Variants in GIT2 observed in about 807,000 individuals in gnomAD.
GIT2 encodes ARF GTPase-activating protein GIT2.
In GIT2, 32 loss-of-function variants were observed where a neutral mutation model predicts 100.3. That is an observed-to-expected ratio of 0.32 (90% CI 0.24 to 0.43). GIT2 has a LOEUF of 0.43. GIT2 is among the 20% of genes least tolerant of loss of function. The probability of loss-of-function intolerance (pLI) is 1.00; values close to 1 mark genes in which losing one functional copy is unlikely to be tolerated. For missense variants in GIT2, 737 were observed against 975.1 expected, an observed-to-expected ratio of 0.76 and a Z score of 3.25; for synonymous variants, 353 against 364.1, an observed-to-expected ratio of 0.97 and a Z score of 0.35.
intron 7 of GIT2, 59 bp downstream of exon 7, chr12:109,980,893 T>C: frequency 9.8e-7 from 1 of 1,022,476 alleles, no homozygotes; most frequent in Non-Finnish European, 1.6e-6. Context: ...GTGTCCCAAC[T>C]TGTTTTTCTA....
At chr12:109,981,124 G>T in intron 6 of GIT2, 78 bp from the exon 7 acceptor site, 2 of 896,438 alleles carry the variant, frequency 2.2e-6, no homozygotes, top group South Asian at 2.6e-5. Flanking sequence ...GACGTCTCCT[G>T]AGACACCTGA....
At chr12:109,976,716 G>A (rs1460087787) in intron 7 of GIT2, among the ~76,000 whole-genome samples, 2 of 151,752 alleles carry the variant, frequency 1.3e-5, no homozygotes, top group African/African-American at 4.8e-5. Context: ...AGCCTCCTGA[G>A]TAGCTGGGTT....
upstream of GIT2, chr12:109,999,470 G>A: frequency 3.9e-6 from 1 of 253,962 alleles, no homozygotes. The surrounding 1 kb of genome is among the most constrained non-coding windows in gnomAD (Gnocchi z 4.3). Flanking sequence ...CGGGAACGCC[G>A]CGGGGCGCGG....
At position 109,945,326 on chromosome 12, in the gene GIT2, G is replaced by A. The variant is rs1876030558; in HGVS notation, c.1665C>T (p.Thr555=). Residue 555 remains threonine (T), a synonymous_variant, in exon 16 of 20, where the codon ACC becomes ACT. Transcript: ENST00000355312. ...GGAAGGAAGGCAGAGATGAAGAGGA[G>A]GTCACAAGTGCACTCCTCCCGATCT... ...PAHIGRSALV[T]SSSSLPSFPS... The A allele has an allele frequency of 1.9e-6, 3 of 1,566,596 alleles. 1 individual carries two copies. The South Asian group carries it at 3.3e-5, about 17-fold the overall frequency.
chr12:109,959,983 A>G (rs1880617005), intron 11 of GIT2, 25 bp from the exon 12 acceptor site: 5 of 1,459,512 alleles, frequency 3.4e-6, no homozygotes, highest in Non-Finnish European at 4.8e-6. Flanking sequence ...ATAATTGGAA[A>G]TATTTCCCAG....
chr12:109,975,287 T>C (rs1884788933), intron 7 of GIT2, among the ~76,000 whole-genome samples: 1 of 152,156 alleles, frequency 6.6e-6, no homozygotes, highest in Non-Finnish European at 1.5e-5. Flanking sequence ...CACTGCAGAC[T>C]TGACCTCCTG....
intron 3 of GIT2, 137 bp from the exon 4 acceptor site, chr12:109,989,205 G>A: frequency 1.5e-6 from 1 of 654,458 alleles, no homozygotes; most frequent in Non-Finnish European, 2.8e-6. Context: ...GTAAGTTTCA[G>A]CAAGGTTTAA....
chr12:109,943,992 T>C (rs928052072), intron 16 of GIT2, among the ~76,000 whole-genome samples: 4 of 152,106 alleles, frequency 2.6e-5, no homozygotes, highest in African/African-American at 9.7e-5. Context: ...GAATTCTTAA[T>C]AGACTGAAAG....
intron 14 of GIT2, chr12:109,949,046 C>G (rs540130961): frequency 1.7e-6 from 1 of 578,480 alleles, no homozygotes. Context: ...CATTCTGTTT[C>G]TCTGAAGAGC....
intron 12 of GIT2, among the ~76,000 whole-genome samples, chr12:109,957,822 T>C (rs765133647): frequency 6.6e-6 from 1 of 152,220 alleles, no homozygotes; most frequent in Non-Finnish European, 1.5e-5. Flanking sequence ...TATTACTTAG[T>C]TGCTTCTAAT....
At position 109,930,134 on chromosome 12, in the gene GIT2, G is replaced by A. The variant is rs549652881; in HGVS notation, c.*2844C>T. Reference sequence around the variant, plus strand: ...ACTTGAGAAGCCGTGCACAGCTCCCGAGTTGTGCGTTTAGAATTCTGATTA... The same window carrying A: ...ACTTGAGAAGCCGTGCACAGCTCCCAAGTTGTGCGTTTAGAATTCTGATTA... On this transcript the variant is annotated 3_prime_UTR_variant, in exon 20 of 20. Coordinates refer to ENST00000355312, the MANE Select transcript of GIT2 (RefSeq NM_057169.5). 3.3e-5 allele frequency: 5 copies of A among 152,746 alleles called. No homozygotes were observed. The highest frequency in any genetic ancestry group is 1.3e-4 in the Admixed American group (2 of 15,300). 9.5% of individuals were successfully genotyped at this position (152,746 alleles called of 1,614,324 possible). A position where few individuals can be genotyped will look rare whatever the true frequency, so the allele number is the denominator to read the frequency against.
chr12:109,969,162 CTTTTTT>C (rs71079595), intron 7 of GIT2, among the ~76,000 whole-genome samples: 7 of 89,132 alleles, frequency 7.9e-5, no homozygotes, highest in Admixed American at 1.4e-4. Flanking sequence ...AAAACTTTTC[CTTTTTT>C]TTTTTTTTTT....
At chr12:109,989,194 A>G (rs2136938014) in intron 3 of GIT2, 126 bp from the exon 4 acceptor site, 1 of 675,336 alleles carries the variant, frequency 1.5e-6, no homozygotes. Flanking sequence ...ACAATGCTCA[A>G]GTAAGTTTCA....
intron 15 of GIT2, 40 bp from the exon 16 acceptor site, chr12:109,945,389 AC>A (rs1876053469): frequency 2.9e-6 from 3 of 1,022,366 alleles, no homozygotes; most frequent in Non-Finnish European, 4.6e-6. Context: ...AAAATACAAA[AC>A]AAACCAAAAA....
chr12:109,959,983 A>T, intron 11 of GIT2, 25 bp from the exon 12 acceptor site: 1 of 1,459,512 alleles, frequency 6.9e-7, no homozygotes, highest in Non-Finnish European at 9.6e-7. Flanking sequence ...ATAATTGGAA[A>T]TATTTCCCAG....
Position 109,947,639 on chromosome 12 carries a change from C to A in GIT2, c.1393-135G>T. On this transcript the variant is annotated intron_variant, in intron 14 of 19. Coordinates refer to ENST00000355312, the MANE Select transcript of GIT2 (RefSeq NM_057169.5). This position sits in a 1 kb window ranked among gnomAD's most constrained non-coding sequence, Gnocchi z 4.3. ...GCTAGCCGGGCTGAAAGTAAAAAGC[C>A]AATACAAACAAGGACCCTTTCTTCT... 1.3e-6 allele frequency: 1 copy of A among 765,710 alleles called. No individual in the cohort carries two copies. Among genetic ancestry groups the A allele is most frequent in the Non-Finnish European group, 2.1e-6 (1 of 466,546 alleles). 47.4% of individuals were successfully genotyped at this position (765,710 alleles called of 1,614,324 possible). A position where few individuals can be genotyped will look rare whatever the true frequency, so the allele number is the denominator to read the frequency against.
intron 4 of GIT2, among the ~76,000 whole-genome samples, chr12:109,986,964 TA>T (rs1887524610): frequency 6.6e-6 from 1 of 150,484 alleles, no homozygotes; most frequent in African/African-American, 2.5e-5. Flanking sequence ...CTCAAAAAAA[TA>T]AAAAATAAAA....
At chr12:109,971,838 C>T (rs1883947007) in intron 7 of GIT2, among the ~76,000 whole-genome samples, 1 of 151,500 alleles carries the variant, frequency 6.6e-6, no homozygotes, top group Non-Finnish European at 1.5e-5. Context: ...ACTGAAAATA[C>T]AAAAAATTAG....
chr12:109,993,860 C>T (rs188609500), intron 1 of GIT2, among the ~76,000 whole-genome samples: 16 of 148,040 alleles, frequency 1.1e-4, no homozygotes, highest in Admixed American at 4.7e-4. Context: ...GAACCAGATT[C>T]ATTAAAAAAA....
Sources: allele counts gnomAD v4.1 joint callset (sites outside exome capture counted in the v4.1 genomes callset), GRCh38; gene constraint gnomAD v4.1.1; non-coding constraint Gnocchi (gnomAD v3.1); transcripts MANE v1.5; gene names NCBI Gene and HGNC (gene_info 2026-07-23, HGNC 2026-07-21).